Variants in PTPRD observed in about 807,000 individuals in gnomAD.
PTPRD encodes receptor-type tyrosine-protein phosphatase delta.
Under a neutral mutation model 214.5 loss-of-function variants are expected in PTPRD, and 34 were observed. The ratio of observed to expected loss-of-function variants is 0.16; its 90% CI spans 0.12 to 0.21. The LOEUF is 0.21. Among genes scored for constraint, PTPRD ranks in the 10% least tolerant of loss-of-function variants. The probability of loss-of-function intolerance (pLI) is 1.00; values close to 1 mark genes in which losing one functional copy is unlikely to be tolerated. For missense variants in PTPRD, 2,545 were observed against 2,398.7 expected, an observed-to-expected ratio of 1.06 and a Z score of -1.27; for synonymous variants, 1,128 against 845.7, an observed-to-expected ratio of 1.33 and a Z score of -5.79.
Position 8,507,212 on chromosome 9 carries a change from C to A in PTPRD, c.1677+89G>T, listed in dbSNP as rs868164510. On this transcript the variant is annotated intron_variant, in intron 22 of 45. Transcript: ENST00000381196. The stretch of plus-strand genomic sequence containing the variant: ...TTCCATCAAGGTCCTCAATAGCTCT[C>A]TGACCAAGAATGTGGATAAATACAC... The A allele has an allele frequency of 9.7e-6, 14 of 1,443,928 alleles. No homozygotes were observed. In the Middle Eastern group the frequency reaches 2.5e-3, roughly 260 times the overall value. 89.4% of individuals were successfully genotyped at this position (1,443,928 alleles called of 1,614,324 possible). A position where few individuals can be genotyped will look rare whatever the true frequency, so the allele number is the denominator to read the frequency against.
chr9:9,824,990 C>G (rs2052211174), intron 5 of PTPRD, among the ~76,000 whole-genome samples: 2 of 151,978 alleles, frequency 1.3e-5, no homozygotes, highest in African/African-American at 4.8e-5. Flanking sequence ...AAATCTTGCA[C>G]AATTGAACTA....
intron 9 of PTPRD, among the ~76,000 whole-genome samples, chr9:9,280,563 A>G (rs1947318215): frequency 6.6e-6 from 1 of 151,296 alleles, no homozygotes; most frequent in African/African-American, 2.4e-5. Flanking sequence ...TTAAGCATAA[A>G]TCTAACAAAA....
intron 12 of PTPRD, chr9:8,713,670 GGCCC>G: frequency 6.6e-7 from 1 of 1,509,846 alleles, no homozygotes; most frequent in Non-Finnish European, 9.1e-7. Flanking sequence ...ACCGCGCCCG[GGCCC>G]ACTCCATTCA....
Position 10,347,683 on chromosome 9 carries a change from T to C in PTPRD, c.-599-6666A>G, listed in dbSNP as rs567626790. Among the ~76,000 whole-genome samples the C allele has an allele frequency of 3.0e-4, 46 of 152,162 alleles. No homozygotes were observed. The South Asian group carries it at 8.9e-3, about 30-fold the overall frequency. On this transcript the variant is annotated intron_variant, in intron 2 of 45. Transcript: ENST00000381196. Reference sequence around the variant, plus strand: ...CCTCAGCCTCCCAAAGTGCTGAGATTACAGGCGTGAGTCACTGCACCCGGC... The same window carrying C: ...CCTCAGCCTCCCAAAGTGCTGAGATCACAGGCGTGAGTCACTGCACCCGGC...
At chr9:10,561,357 G>C (rs938854302) in intron 2 of PTPRD, among the ~76,000 whole-genome samples, 1 of 149,526 alleles carries the variant, frequency 6.7e-6, no homozygotes, top group African/African-American at 2.4e-5. Context: ...TTTTGACATG[G>C]AGTAGTCTCA....
At chr9:10,053,878 C>T (rs1230530963) in intron 3 of PTPRD, among the ~76,000 whole-genome samples, 2 of 152,016 alleles carry the variant, frequency 1.3e-5, no homozygotes, top group Non-Finnish European at 2.9e-5. Flanking sequence ...CGTGCCTCAT[C>T]CTACTGAGTA....
intron 9 of PTPRD, among the ~76,000 whole-genome samples, chr9:9,332,529 T>C (rs574457669): frequency 2.0e-5 from 3 of 151,726 alleles, no homozygotes; most frequent in African/African-American, 7.2e-5. Flanking sequence ...AGATAATCTG[T>C]TTCATTTATG....
At chr9:10,100,891 C>G (rs996615952) in intron 3 of PTPRD, among the ~76,000 whole-genome samples, 1 of 151,426 alleles carries the variant, frequency 6.6e-6, no homozygotes, top group African/African-American at 2.4e-5. Flanking sequence ...GAAACAAATA[C>G]TAAAAGAGCA....
chr9:9,210,782 G>T (rs922437141), intron 9 of PTPRD, among the ~76,000 whole-genome samples: 1 of 151,178 alleles, frequency 6.6e-6, no homozygotes, highest in African/African-American at 2.4e-5. Flanking sequence ...TATTTTTTTT[G>T]TTGTGAACTT....
intron 2 of PTPRD, among the ~76,000 whole-genome samples, chr9:10,418,541 T>A (rs540847896): frequency 6.6e-6 from 1 of 151,440 alleles, no homozygotes; most frequent in East Asian, 2.0e-4. Context: ...ATAGCATTTA[T>A]CACCATCTGG....
chr9:9,776,920 C>T (rs1166612755), intron 5 of PTPRD, among the ~76,000 whole-genome samples: 1 of 152,174 alleles, frequency 6.6e-6, no homozygotes, highest in African/African-American at 2.4e-5. Flanking sequence ...TACATACTTT[C>T]TCCTGTCCTC....
chr9:9,524,524 T>A (rs2154258399), intron 8 of PTPRD, among the ~76,000 whole-genome samples: 1 of 152,338 alleles, frequency 6.6e-6, no homozygotes, highest in African/African-American at 2.4e-5. Flanking sequence ...GTACTCAACA[T>A]TTGTTAGAAA....
chr9:9,934,416 G>T (rs199913405), intron 5 of PTPRD, among the ~76,000 whole-genome samples: 57,464 of 115,582 alleles, frequency 0.5, 18,846 homozygotes, highest in East Asian at 0.89. Context: ...CCCACAGAAA[G>T]ACAAACTACC....
chr9:8,507,165 C>A, intron 22 of PTPRD, 136 bp downstream of exon 22: 1 of 978,336 alleles, frequency 1.0e-6, no homozygotes, highest in Non-Finnish European at 1.4e-6. Context: ...GAGTCAAGTT[C>A]CTCTTTTAAT....
chr9:8,956,006 T>C (rs2099129699), intron 11 of PTPRD, among the ~76,000 whole-genome samples: 1 of 151,930 alleles, frequency 6.6e-6, no homozygotes, highest in Non-Finnish European at 1.5e-5. Context: ...TTCCATCAAG[T>C]ATCCTTTAGA....
At chr9:8,594,544 A>G (rs937104684) in intron 14 of PTPRD, among the ~76,000 whole-genome samples, 7 of 152,032 alleles carry the variant, frequency 4.6e-5, no homozygotes, top group African/African-American at 1.7e-4. Context: ...TAATCCCCAC[A>G]TGTCGAGGGA....
intron 5 of PTPRD, among the ~76,000 whole-genome samples, chr9:9,827,027 T>C (rs2053130152): frequency 6.6e-6 from 1 of 152,110 alleles, no homozygotes; most frequent in East Asian, 1.9e-4. Context: ...TGGAAGAACA[T>C]TCCATGCTCA....
chr9:9,849,890 A>C (rs1238792866), intron 5 of PTPRD, among the ~76,000 whole-genome samples: 1 of 152,150 alleles, frequency 6.6e-6, no homozygotes, highest in Non-Finnish European at 1.5e-5. Context: ...ACATAGTAAA[A>C]GTCAAGGAAG....
chr9:9,564,310 G>C (rs1369221906), intron 8 of PTPRD, among the ~76,000 whole-genome samples: 1 of 152,056 alleles, frequency 6.6e-6, no homozygotes, highest in Non-Finnish European at 1.5e-5. Context: ...AGTTCTTGAA[G>C]TACTCTTTCT....
Sources: allele counts gnomAD v4.1 joint callset (sites outside exome capture counted in the v4.1 genomes callset), GRCh38; gene constraint gnomAD v4.1.1; transcripts MANE v1.5; gene names NCBI Gene and HGNC (gene_info 2026-07-23, HGNC 2026-07-21).